Variants in FUT8 observed in about 807,000 individuals in gnomAD.
The protein encoded by FUT8 is alpha-(1,6)-fucosyltransferase.
A neutral mutation model predicts 71.3 loss-of-function variants in FUT8; 29 were observed. The ratio of observed to expected loss-of-function variants is 0.41; its 90% confidence interval spans 0.30 to 0.55. The LOEUF is 0.55. FUT8 is among the 20% of genes least tolerant of loss of function. The pLI, the probability that FUT8 is intolerant of heterozygous loss-of-function variation, is 0.34. For missense variants in FUT8, 544 were observed against 702.1 expected, an observed-to-expected ratio of 0.77 and a Z score of 2.55; for synonymous variants, 254 against 239.3, an observed-to-expected ratio of 1.06 and a Z score of -0.57.
chr14:65,381,098 A>C, the FUT8 span, among the ~76,000 whole-genome samples: 4 of 152,220 alleles, frequency 2.6e-5, no homozygotes, highest in African/African-American at 9.6e-5. Flanking sequence ...AGAACTTAAA[A>C]ATATGCAGGT....
intron 2 of FUT8, chr14:65,471,130 A>G (rs376464832): frequency 2.6e-4 from 118 of 448,342 alleles, no homozygotes; most frequent in Middle Eastern, 6.9e-4. Flanking sequence ...GGAAAGTTCT[A>G]TAGTCCTGTA....
At chr14:65,543,245 C>T (rs1257268881) in intron 2 of FUT8, among the ~76,000 whole-genome samples, 2 of 152,186 alleles carry the variant, frequency 1.3e-5, no homozygotes, top group South Asian at 2.1e-4. Context: ...ATTTTATGCA[C>T]GTAAATATAA....
chr14:65,542,470 A>G (rs899722763), intron 2 of FUT8, among the ~76,000 whole-genome samples: 1 of 152,152 alleles, frequency 6.6e-6, no homozygotes, highest in African/African-American at 2.4e-5. Context: ...ACCATAATTT[A>G]TTTGTTTCCC....
rs1890669482 is a variant in FUT8 at position 65,638,371 on chromosome 14, T to C, written c.597+8765T>C. 6.6e-6 allele frequency among the ~76,000 whole-genome samples: 1 copy of C among 152,090 alleles called. No individual in the cohort carries two copies. The highest frequency in any genetic ancestry group is 2.4e-5 in the African/African-American group (1 of 41,394). Reference sequence around the variant, plus strand: ...AGAAAGATTTTTTGGTTTGCCCCCGTGTTTTGCTTGCTTTGGTTTATGTTT... The same window carrying C: ...AGAAAGATTTTTTGGTTTGCCCCCGCGTTTTGCTTGCTTTGGTTTATGTTT... On this transcript the variant is annotated intron_variant, in intron 6 of 10. Coordinates refer to ENST00000673929, the MANE Select transcript of FUT8 (RefSeq NM_001371533.1). This position sits in a 1 kb window ranked among gnomAD's most constrained non-coding sequence, Gnocchi z 4.5.
chr14:65,418,956 C>A (rs1035172019), intron 1 of FUT8, among the ~76,000 whole-genome samples: 3 of 152,110 alleles, frequency 2.0e-5, no homozygotes, highest in Non-Finnish European at 4.4e-5. Flanking sequence ...AGGCCGGGCG[C>A]GGTGGCTCAT....
intron 1 of FUT8, among the ~76,000 whole-genome samples, chr14:65,442,206 T>C (rs1435746049): frequency 6.6e-6 from 1 of 151,228 alleles, no homozygotes; most frequent in Non-Finnish European, 1.5e-5. Flanking sequence ...AGGCTGAGTC[T>C]TGCTCTGTTG....
chr14:65,374,025 A>C, the FUT8 span, among the ~76,000 whole-genome samples: 1 of 152,030 alleles, frequency 6.6e-6, no homozygotes, highest in Non-Finnish European at 1.5e-5. Context: ...CCTGCCCAGC[A>C]CTCCCACCTT....
chr14:65,371,691 A>C, the FUT8 span, among the ~76,000 whole-genome samples: 2 of 152,228 alleles, frequency 1.3e-5, no homozygotes, highest in East Asian at 3.8e-4. Context: ...GTCCTTTGAC[A>C]TGTCACCATC....
intron 5 of FUT8, among the ~76,000 whole-genome samples, chr14:65,624,586 T>C (rs1014189760): frequency 2.0e-5 from 3 of 152,258 alleles, no homozygotes; most frequent in Non-Finnish European, 2.9e-5. Flanking sequence ...GGCTATATGA[T>C]GATTGTCAAT....
the FUT8 span, among the ~76,000 whole-genome samples, chr14:65,358,304 T>G: frequency 6.6e-6 from 1 of 152,174 alleles, no homozygotes. Flanking sequence ...ATCCCATAAA[T>G]ATGTACAATT....
intron 2 of FUT8, among the ~76,000 whole-genome samples, chr14:65,546,475 A>T (rs1056662138): frequency 6.6e-6 from 1 of 151,688 alleles, no homozygotes; most frequent in Non-Finnish European, 1.5e-5. Context: ...TTGAGATTTA[A>T]CCATATTGTG....
intron 3 of FUT8, among the ~76,000 whole-genome samples, chr14:65,615,775 C>G (rs2073294): frequency 6.6e-6 from 1 of 152,052 alleles, no homozygotes; most frequent in Non-Finnish European, 1.5e-5. Context: ...TTAATATTTT[C>G]TATTTTTCGT....
intron 1 of FUT8, among the ~76,000 whole-genome samples, chr14:65,423,497 C>G (rs1192639696): frequency 1.3e-5 from 2 of 151,496 alleles, no homozygotes; most frequent in African/African-American, 2.4e-5. Context: ...CTCCTGACCT[C>G]GTGATCCGCC....
At chr14:65,654,082 A>G (rs1232097076) in intron 6 of FUT8, among the ~76,000 whole-genome samples, 1 of 152,200 alleles carries the variant, frequency 6.6e-6, no homozygotes, top group Admixed American at 6.5e-5. Context: ...TTGAGTTTTT[A>G]AAATGTTGGG....
chr14:65,696,831 A>G (rs1195223359), intron 7 of FUT8, among the ~76,000 whole-genome samples: 1 of 152,108 alleles, frequency 6.6e-6, no homozygotes, highest in African/African-American at 2.4e-5. Flanking sequence ...CCAACCTACT[A>G]CTGAGGCCAT....
intron 3 of FUT8, among the ~76,000 whole-genome samples, chr14:65,575,221 A>T (rs1886692137): frequency 6.6e-6 from 1 of 151,884 alleles, no homozygotes; most frequent in South Asian, 2.1e-4. Context: ...CTTCGTTGTG[A>T]AGTTCCTTTC....
the FUT8 span, among the ~76,000 whole-genome samples, chr14:65,386,538 A>C: frequency 6.7e-6 from 1 of 149,580 alleles, no homozygotes; most frequent in African/African-American, 2.5e-5. Flanking sequence ...AAGAAAGGGA[A>C]GTTCAACTTG....
chr14:65,687,710 C>T (rs576816328), intron 7 of FUT8, among the ~76,000 whole-genome samples: 193 of 152,062 alleles, frequency 1.3e-3, no homozygotes, highest in Non-Finnish European at 2.3e-3. Flanking sequence ...CCCCCTACCC[C>T]CTGCACCAAG....
At chr14:65,418,441 A>G (rs1053044260) in intron 1 of FUT8, among the ~76,000 whole-genome samples, 4 of 152,258 alleles carry the variant, frequency 2.6e-5, no homozygotes, top group African/African-American at 9.6e-5. Context: ...TTTACAAACC[A>G]TCAAAACTAT....
Sources: allele counts gnomAD v4.1 joint callset (sites outside exome capture counted in the v4.1 genomes callset), GRCh38; gene constraint gnomAD v4.1.1; non-coding constraint Gnocchi (gnomAD v3.1); transcripts MANE v1.5; gene names NCBI Gene and HGNC (gene_info 2026-07-23, HGNC 2026-07-21).